GPNMB: variants seen among roughly 807,000 people sequenced by gnomAD.
GPNMB encodes transmembrane glycoprotein NMB.
A neutral mutation model predicts 57.3 loss-of-function variants in GPNMB; 71 were observed. The ratio of observed to expected loss-of-function variants is 1.24; its 90% CI spans 1.02 to 1.51. The LOEUF (loss-of-function observed/expected upper bound fraction) is 1.51. Ranked by LOEUF, GPNMB falls within the 40% of genes most tolerant of loss-of-function variation. The pLI, the probability that GPNMB is intolerant of heterozygous loss-of-function variation, is 0.00. For missense variants in GPNMB, 677 were observed against 691.9 expected (o/e 0.98, Z 0.24); for synonymous variants, 253 against 263.2 (o/e 0.96, Z 0.38).
At position 23,260,744 on chromosome 7, in the gene GPNMB, C is replaced by A. The variant is rs752022015; in HGVS notation, c.989C>A (p.Pro330His). 70 of 1,573,406 alleles carry A rather than the reference C, an allele frequency of 4.4e-5. No homozygotes were observed. The highest frequency in any genetic ancestry group is 6.0e-5 in the Non-Finnish European group (70 of 1,158,884). Reference protein sequence around the residue: ...PGPCPPPPPPPRPSKPTPSLG... With the variant: ...PGPCPPPPPPHRPSKPTPSLG... ...CCTTGTCCGCCACCGCCACCACCAC[C>A]CAGACCTTCAAAACCCACCCCTTCT... Residue 330 changes from proline (P) to histidine (H), a missense_variant, in exon 6 of 11, where the codon CCC becomes CAC. By Grantham distance (77) the Pro-to-His change is moderately conservative. Coordinates refer to ENST00000258733, the MANE Select transcript of GPNMB (RefSeq NM_002510.3).
Position 23,257,128 on chromosome 7 carries a change from T to C in GPNMB, c.541+63T>C. 3 of 1,355,376 alleles carry C rather than the reference T, an allele frequency of 2.2e-6. No homozygotes were observed. In the East Asian group the frequency reaches 6.9e-5, roughly 31 times the overall value. The allele number at this position is 1,355,376 out of a possible 1,614,324, so 84.0% of individuals were successfully genotyped here. ...TTCCTTAAAATTTCAACCTTCTCTTTTCTTACTCTATAATTGAGAATGATA... is the reference window on the plus strand; with the variant it reads ...TTCCTTAAAATTTCAACCTTCTCTTCTCTTACTCTATAATTGAGAATGATA... On this transcript the variant is annotated intron_variant, in intron 4 of 10. Coordinates refer to ENST00000258733, the MANE Select transcript of GPNMB (RefSeq NM_002510.3).
Position 23,260,779 on chromosome 7 carries a change from G to A in GPNMB, c.1018+6G>A. Reference sequence around the variant, plus strand: ...AAAACCCACCCCTTCTTTAGGTAAGGTTTCGCAGTGATCTTTGAGGGAGGC... The same window carrying A: ...AAAACCCACCCCTTCTTTAGGTAAGATTTCGCAGTGATCTTTGAGGGAGGC... On this transcript the variant is annotated splice_donor_region_variant and intron_variant, in intron 6 of 10. Coordinates refer to ENST00000258733, the MANE Select transcript of GPNMB (RefSeq NM_002510.3). The A allele has an allele frequency of 6.6e-7, 1 of 1,515,200 alleles. No individual in the cohort carries two copies. Among genetic ancestry groups the A allele is most frequent in the Non-Finnish European group, 8.8e-7 (1 of 1,134,182 alleles). The allele number at this position is 1,515,200 out of a possible 1,614,324, so 93.9% of individuals were successfully genotyped here.
At position 23,274,878 on chromosome 7, in the gene GPNMB, C is replaced by T. The variant is rs978339656; in HGVS notation, c.*654C>T. ...ACATTTAGTTAGTGCTTTTTATATA[C>T]CAGGCATGATGCTGAGTGACACTCT... is the stretch of plus-strand genomic sequence containing the variant. On this transcript the variant is annotated 3_prime_UTR_variant, in exon 11 of 11. Transcript: ENST00000258733. 2.7e-4 allele frequency: 41 copies of T among 152,060 alleles called. 1 individual carries two copies. Among genetic ancestry groups the T allele is most frequent in the African/African-American group, 9.7e-4 (40 of 41,392 alleles). 9.4% of individuals were successfully genotyped at this position (152,060 alleles called of 1,614,324 possible).
intron 1 of GPNMB, among the ~76,000 whole-genome samples, chr7:23,249,930 A>T (rs1324730835): frequency 6.6e-6 from 1 of 152,220 alleles, no homozygotes; most frequent in Non-Finnish European, 1.5e-5. Flanking sequence ...TGAGCAATCC[A>T]GTTTCTCTAC....
chr7:23,253,331 A>C lies in GPNMB; in HGVS notation c.95A>C (p.Glu32Ala), dbSNP rs750665895. The C allele has an allele frequency of 2.5e-6, 4 of 1,613,862 alleles. No individual in the cohort carries two copies. ...AKRFHDVLGNERPSAYMREHN... is the reference protein window; with the variant it reads ...AKRFHDVLGNARPSAYMREHN... The stretch of plus-strand genomic sequence containing the variant: ...GGATTTCATGATGTGCTGGGCAATG[A>C]AAGACCTTCTGCTTACATGAGGGAG... Residue 32 changes from glutamate (E) to alanine (A), a missense_variant, in exon 2 of 11, where the codon GAA (glutamate) becomes GCA (alanine). Glu to Ala is a moderately radical substitution (Grantham distance 107, BLOSUM62 -1). Transcript: ENST00000258733.
Position 23,270,048 on chromosome 7 carries a change from G to C in GPNMB, c.1302G>C (p.Val434=), listed in dbSNP as rs1783162797. The C allele has an allele frequency of 6.2e-7, 1 of 1,614,060 alleles. No individual in the cohort carries two copies. The highest frequency in any genetic ancestry group is 8.5e-7 in the Non-Finnish European group (1 of 1,179,950). The change falls in exon 9 of 11, where the codon GTG becomes GTC. Residue 434 remains valine (V), a synonymous_variant. Transcript: ENST00000258733. ...ACACAGTCTGCAGCCCTGTGGATGT[G>C]GATGAGATGTGTCTGCTGACTGTGA... ...TQNTVCSPVD[V]DEMCLLTVRR...
Position 23,256,947 on chromosome 7 carries a change from C to A in GPNMB, c.423C>A (p.Asp141Glu). The A allele has an allele frequency of 6.2e-7, 1 of 1,614,176 alleles. No homozygotes were observed. The highest frequency in any genetic ancestry group is 8.5e-7 in the Non-Finnish European group (1 of 1,179,984). The change falls in exon 4 of 11, where the codon GAC (aspartate) becomes GAA (glutamate). Residue 141 changes from aspartate to glutamate, a missense_variant. Transcript: ENST00000258733. Reference sequence around the variant, plus strand: ...ACAACTGGACAGCATGGTCAGAGGACAGTGACGGGGAAAATGGCACCGGCC... The same window carrying A: ...ACAACTGGACAGCATGGTCAGAGGAAAGTGACGGGGAAAATGGCACCGGCC... ...YVYNWTAWSE[D>E]SDGENGTGQS...
intron 3 of GPNMB, 49 bp downstream of exon 3, chr7:23,254,361 C>T (rs1229329596): frequency 6.7e-7 from 1 of 1,488,706 alleles, no homozygotes; most frequent in African/African-American, 1.4e-5. Flanking sequence ...GTTTCTAAAC[C>T]TTAATGATCA....
rs568492591 is a variant in GPNMB at position 23,253,591 on chromosome 7, G to T, written c.223+132G>T. 8 of 703,702 alleles carry T rather than the reference G, an allele frequency of 1.1e-5. No individual in the cohort carries two copies. The East Asian group carries it at 2.2e-4, about 20-fold the overall frequency. 43.6% of individuals were successfully genotyped at this position (703,702 alleles called of 1,614,324 possible). A position where few individuals can be genotyped will look rare whatever the true frequency, so the allele number is the denominator to read the frequency against. On this transcript the variant is annotated intron_variant, in intron 2 of 10. Coordinates refer to ENST00000258733, the MANE Select transcript of GPNMB (RefSeq NM_002510.3). ...CAGTGCTCTCATTACCAAGTGGGGA[G>T]GCACCTGGACTTGGCAATATTTTCT... is the stretch of plus-strand genomic sequence containing the variant.
intron 3 of GPNMB, 76 bp from the exon 4 acceptor site, chr7:23,256,816 T>G: frequency 8.4e-7 from 1 of 1,192,252 alleles, no homozygotes; most frequent in Non-Finnish European, 1.2e-6. Context: ...CGAAAAAGTG[T>G]TTAATTCAGT....
intron 6 of GPNMB, among the ~76,000 whole-genome samples, 164 bp downstream of exon 6, chr7:23,260,937 AC>A (rs1180140976): frequency 4.6e-5 from 7 of 152,140 alleles, no homozygotes; most frequent in African/African-American, 1.7e-4. Context: ...ACCATTTTAC[AC>A]CTATAGAACA....
chr7:23,253,163 T>TA (rs1782696646), intron 1 of GPNMB, 144 bp from the exon 2 acceptor site: 1 of 611,582 alleles, frequency 1.6e-6, no homozygotes, highest in Admixed American at 3.4e-5. Context: ...AGACTTCCTT[T>TA]AAAAAACAAA....
chr7:23,273,582 A>G lies in GPNMB; in HGVS notation c.1491A>G (p.Ile497Met). The G allele has an allele frequency of 6.2e-7, 1 of 1,613,212 alleles. No individual in the cohort carries two copies. Among genetic ancestry groups the G allele is most frequent in the Non-Finnish European group, 8.5e-7 (1 of 1,179,254 alleles). ...SALISVGCLA[I>M]FVTVISLLVY... is the part of the protein sequence containing the mutation. ...TGATCTCCGTTGGCTGCTTGGCCATATTTGTCACTGTGATCTCCCTCTTGG... is the reference window on the plus strand; with the variant it reads ...TGATCTCCGTTGGCTGCTTGGCCATGTTTGTCACTGTGATCTCCCTCTTGG... Residue 497 changes from isoleucine (I) to methionine (M), a missense_variant, in exon 10 of 11, where the codon ATA (isoleucine) becomes ATG (methionine). Coordinates refer to ENST00000258733, the MANE Select transcript of GPNMB (RefSeq NM_002510.3).
rs1782804440 is a variant in GPNMB, at chr7:23,257,199, G to A, written c.541+134G>A. ...TCACCCTGCTAACTTTCCTTAGCAT[G>A]AGTGAACAGTGAGAGATAAAAATGA... On this transcript the variant is annotated intron_variant, in intron 4 of 10. Transcript: ENST00000258733. 3.7e-6 allele frequency: 3 copies of A among 804,496 alleles called. No individual in the cohort carries two copies. In the Admixed American group the frequency reaches 5.8e-5, roughly 16 times the overall value. The allele number at this position is 804,496 out of a possible 1,614,324, so 49.8% of individuals were successfully genotyped here.
chr7:23,263,717 C>T (rs541321214), intron 6 of GPNMB, among the ~76,000 whole-genome samples: 1 of 151,690 alleles, frequency 6.6e-6, no homozygotes, highest in East Asian at 1.9e-4. Flanking sequence ...TTAGATCAAT[C>T]ATAATCAACC....
At chr7:23,273,350 G>C in intron 9 of GPNMB, 171 bp from the exon 10 acceptor site, 1 of 582,762 alleles carries the variant, frequency 1.7e-6, no homozygotes, top group Non-Finnish European at 3.0e-6. Context: ...CTAAATAGAA[G>C]ATAAGCTGAC....
chr7:23,267,492 G>T (rs995557007), intron 7 of GPNMB, among the ~76,000 whole-genome samples: 1 of 152,132 alleles, frequency 6.6e-6, no homozygotes, highest in Non-Finnish European at 1.5e-5. Flanking sequence ...AGACTGGGTG[G>T]CTTATAAACC....
chr7:23,256,852 G>A (rs1243033758), intron 3 of GPNMB, 40 bp from the exon 4 acceptor site: 3 of 1,574,468 alleles, frequency 1.9e-6, no homozygotes, highest in Non-Finnish European at 2.6e-6. Context: ...GGTTTTCTGA[G>A]CCTAGATAAC....
At chr7:23,269,545 G>A (rs1383309354) in intron 8 of GPNMB, among the ~76,000 whole-genome samples, 1 of 152,244 alleles carries the variant, frequency 6.6e-6, no homozygotes, top group East Asian at 1.9e-4. Flanking sequence ...AGCTGCTGCT[G>A]TTGCTGTTAC....
Sources: allele counts gnomAD v4.1 joint callset (sites outside exome capture counted in the v4.1 genomes callset), GRCh38; gene constraint gnomAD v4.1.1; transcripts MANE v1.5; gene names NCBI Gene and HGNC (gene_info 2026-07-23, HGNC 2026-07-21).